PRKAB1: variants seen among roughly 807,000 people sequenced by gnomAD.
The protein encoded by PRKAB1 is 5'-AMP-activated protein kinase subunit beta-1.
Under a neutral mutation model 32.0 loss-of-function variants are expected in PRKAB1, and 18 were observed. The ratio of observed to expected loss-of-function variants is 0.56; its 90% confidence interval spans 0.39 to 0.83. The LOEUF (loss-of-function observed/expected upper bound fraction) is 0.83, where lower values mean the gene tolerates loss of function less well. Ranked by LOEUF, PRKAB1 falls within the 40% of genes least tolerant of loss-of-function variation. PRKAB1 has a pLI of 0.00. For missense variants in PRKAB1, 263 were observed against 352.6 expected, an observed-to-expected ratio of 0.75 and a Z score of 2.03; for synonymous variants, 141 against 141.4, an observed-to-expected ratio of 1.00 and a Z score of 0.02.
In PRKAB1 at chr12:119,681,095, T is replaced by G. The variant is rs1955461203; in HGVS notation, c.*770T>G. The G allele has an allele frequency of 6.6e-6, 1 of 152,524 alleles. No homozygotes were observed. The highest frequency in any genetic ancestry group is 2.4e-5 in the African/African-American group (1 of 41,450). The allele number at this position is 152,524 out of a possible 1,614,324, so 9.4% of individuals were successfully genotyped here. On this transcript the variant is annotated 3_prime_UTR_variant, in exon 7 of 7. Coordinates refer to ENST00000229328, the MANE Select transcript of PRKAB1 (RefSeq NM_006253.5). ...CGGATTTCTCCATTCAGCTGGATGATCCTCAGGACTGACCAGTTAGCTGGC... is the reference window on the plus strand; with the variant it reads ...CGGATTTCTCCATTCAGCTGGATGAGCCTCAGGACTGACCAGTTAGCTGGC...
chr12:119,675,442 T>C (rs1955417004), intron 4 of PRKAB1, among the ~76,000 whole-genome samples: 1 of 152,208 alleles, frequency 6.6e-6, no homozygotes, highest in Non-Finnish European at 1.5e-5. Flanking sequence ...AGAGATATCA[T>C]CTAGTTTTTT....
intron 1 of PRKAB1, among the ~76,000 whole-genome samples, chr12:119,671,895 G>A (rs1417161153): frequency 1.3e-5 from 2 of 152,144 alleles, no homozygotes; most frequent in African/African-American, 2.4e-5. Context: ...TACACAGTCC[G>A]TCGTTGACTA....
intron 1 of PRKAB1, 116 bp from the exon 2 acceptor site, chr12:119,672,185 T>C: frequency 8.9e-7 from 1 of 1,128,418 alleles, no homozygotes; most frequent in Non-Finnish European, 1.2e-6. Context: ...CTAGTAAGTT[T>C]CCGATCCTAA....
chr12:119,674,245 G>C lies in PRKAB1; in HGVS notation c.418-95G>C. On this transcript the variant is annotated intron_variant, in intron 3 of 6. Coordinates refer to ENST00000229328, the MANE Select transcript of PRKAB1 (RefSeq NM_006253.5). The surrounding 1 kb of genome is among the most constrained non-coding windows in gnomAD (Gnocchi z 4.3). Reference sequence around the variant, plus strand: ...CAAGATGAGCAGGGTGGCTAGCCAGGAGATGAGGCCTTCCAGCCAGGAATT... The same window carrying C: ...CAAGATGAGCAGGGTGGCTAGCCAGCAGATGAGGCCTTCCAGCCAGGAATT... 8.9e-7 allele frequency: 1 copy of C among 1,117,818 alleles called. No homozygotes were observed. Among genetic ancestry groups the C allele is most frequent in the Non-Finnish European group, 1.3e-6 (1 of 756,504 alleles). 69.2% of individuals were successfully genotyped at this position (1,117,818 alleles called of 1,614,324 possible).
rs778255982 is a variant in PRKAB1 at position 119,668,274 on chromosome 12, G to T, written c.30G>T (p.Ala10=). ...GCAATACCAGCAGTGAGCGCGCCGC[G>T]CTGGAGCGGCATGGTGGCCATAAGA... is the stretch of plus-strand genomic sequence containing the variant. The part of the protein sequence containing the change: MGNTSSERA[A]LERHGGHKTP... Residue 10 remains alanine (A), a synonymous_variant, in exon 1 of 7, where the codon GCG becomes GCT. Coordinates refer to ENST00000229328, the MANE Select transcript of PRKAB1 (RefSeq NM_006253.5). The T allele has an allele frequency of 1.2e-6, 2 of 1,608,570 alleles. No individual in the cohort carries two copies. Among genetic ancestry groups the T allele is most frequent in the Non-Finnish European group, 1.7e-6 (2 of 1,178,064 alleles).
At chr12:119,670,894 C>G (rs970139876) in intron 1 of PRKAB1, among the ~76,000 whole-genome samples, 2 of 152,140 alleles carry the variant, frequency 1.3e-5, no homozygotes, top group Non-Finnish European at 2.9e-5. Context: ...AAGCTGAGGT[C>G]GGTATTTGAG....
intron 2 of PRKAB1, 137 bp downstream of exon 2, chr12:119,672,601 C>CT: frequency 1.0e-6 from 1 of 954,134 alleles, no homozygotes; most frequent in Non-Finnish European, 1.5e-6. Flanking sequence ...CTTAATAAGT[C>CT]TTAAGGTTCA....
rs2136852555 is a variant in PRKAB1 at position 119,672,347 on chromosome 12, T to C, written c.206T>C (p.Val69Ala). The C allele has an allele frequency of 6.2e-7, 1 of 1,612,896 alleles. No individual in the cohort carries two copies. ...CTGGCCTGGCAGCATGATCTGGAAG[T>C]GAATGATAAAGCTCCCGCCCAGGCT... The part of the protein sequence containing the change: ...EFLAWQHDLE[V>A]NDKAPAQARP... Residue 69 changes from valine (V) to alanine (A), a missense_variant, in exon 2 of 7, where the codon GTG becomes GCG. Transcript: ENST00000229328.
At position 119,676,627 on chromosome 12, in the gene PRKAB1, CA is replaced by C; in HGVS notation, c.624del (p.His209IlefsTer7). 2 of 1,614,070 alleles carry C rather than the reference CA, an allele frequency of 1.2e-6. No individual in the cohort carries two copies. Among genetic ancestry groups the C allele is most frequent in the Non-Finnish European group, 1.7e-6 (2 of 1,179,974 alleles). ...ERFRAPPILP[P>X]HLLQVILNKD... ...TTTCGGGCACCCCCTATTCTCCCCC[CA>C]CATCTCCTCCAGGTCATCCTGAACA... is the stretch of plus-strand genomic sequence containing the variant. On this transcript the variant is annotated frameshift_variant, in exon 5 of 7. Coordinates refer to ENST00000229328, the MANE Select transcript of PRKAB1 (RefSeq NM_006253.5). LOFTEE classifies it high-confidence loss of function.
upstream of PRKAB1, chr12:119,668,003 A>G (rs1431017325): frequency 5.9e-6 from 3 of 505,994 alleles, no homozygotes; most frequent in Non-Finnish European, 1.0e-5. Flanking sequence ...GTGTCGGTTT[A>G]TCTTCGCGCC....
At chr12:119,671,602 C>A in intron 1 of PRKAB1, 1 of 293,258 alleles carries the variant, frequency 3.4e-6, no homozygotes, top group Non-Finnish European at 7.2e-6. Context: ...GGAAACCGCC[C>A]CCATGATCGA....
chr12:119,672,855 G>A (rs1314244336), intron 2 of PRKAB1, among the ~76,000 whole-genome samples: 1 of 152,176 alleles, frequency 6.6e-6, no homozygotes, highest in Non-Finnish European at 1.5e-5. Context: ...CTCAGCGTTC[G>A]TTTCTGTAAA....
At chr12:119,668,102 C>T (rs1955352394), upstream of PRKAB1, 10 of 1,083,390 alleles carry the variant, frequency 9.2e-6, no homozygotes, top group South Asian at 2.1e-4. Context: ...AACCGGCTCC[C>T]GGCCCGAGGG....
Position 119,679,686 on chromosome 12 carries a change from G to C in PRKAB1, c.667-247G>C. On this transcript the variant is annotated intron_variant, in intron 5 of 6. Coordinates refer to ENST00000229328, the MANE Select transcript of PRKAB1 (RefSeq NM_006253.5). The surrounding 1 kb of genome is among the most constrained non-coding windows in gnomAD (Gnocchi z 4.1). ...CGTGGCCCACACTTGAAAGAGGCCG[G>C]GGTAAATGCCTGGCCAGAGACACAC... The C allele has an allele frequency of 2.0e-6, 1 of 509,864 alleles. No individual in the cohort carries two copies. The highest frequency in any genetic ancestry group is 3.6e-6 in the Non-Finnish European group (1 of 279,364). 31.6% of individuals were successfully genotyped at this position (509,864 alleles called of 1,614,324 possible).
chr12:119,677,761 GTTT>G lies in PRKAB1; in HGVS notation c.666+1110_666+1112del, dbSNP rs58948706. 842 of 99,534 alleles carry G rather than the reference GTTT, an allele frequency of 8.5e-3. 8 individuals carry two copies. The highest frequency in any genetic ancestry group is 0.031 in the African/African-American group (759 of 24,666). 6.2% of individuals were successfully genotyped at this position (99,534 alleles called of 1,614,324 possible). A position where few individuals can be genotyped will look rare whatever the true frequency, so the allele number is the denominator to read the frequency against. On this transcript the variant is annotated intron_variant, in intron 5 of 6. Transcript: ENST00000229328. ...GTGCCCTCCTAAGCTAGTGAGGTTT[GTTT>G]TTTTTTTTTTTTTTTTTTGAGACGG...
rs1327816265 is a variant in PRKAB1, at chr12:119,670,804, CCTTAGTGTGAAGT to C, written c.160-1496_160-1484del. Among the ~76,000 whole-genome samples, 3 of 152,282 alleles carry C rather than the reference CCTTAGTGTGAAGT, an allele frequency of 2.0e-5. No individual in the cohort carries two copies. The East Asian group carries it at 5.8e-4, about 29-fold the overall frequency. ...TGCTATTTTGGTCATAATTAGTTAT[CCTTAGTGTGAAGT>C]GATTCCAGTCTGTTATTTAATATGT... is the stretch of plus-strand genomic sequence containing the variant. On this transcript the variant is annotated intron_variant, in intron 1 of 6. Transcript: ENST00000229328.
At chr12:119,676,837 T>C (rs969241651) in intron 5 of PRKAB1, among the ~76,000 whole-genome samples, 167 bp downstream of exon 5, 3 of 152,162 alleles carry the variant, frequency 2.0e-5, no homozygotes, top group Non-Finnish European at 4.4e-5. Flanking sequence ...TAACAAGAGG[T>C]TCCCAGTGTG....
chr12:119,671,008 G>T (rs1955384194), intron 1 of PRKAB1, among the ~76,000 whole-genome samples: 1 of 152,126 alleles, frequency 6.6e-6, no homozygotes, highest in Non-Finnish European at 1.5e-5. Context: ...AAATCTAAAA[G>T]GTGCATGACT....
chr12:119,672,530 T>C lies in PRKAB1; in HGVS notation c.323+66T>C. On this transcript the variant is annotated intron_variant, in intron 2 of 6. Transcript: ENST00000229328. ...AATTCTCTTCTTTCTAAAACATCTC[T>C]GAGAGAGAACAGAAAATGGATGTTT... The C allele has an allele frequency of 2.9e-6, 4 of 1,399,478 alleles. No homozygotes were observed. In the South Asian group the frequency reaches 6.5e-5, roughly 23 times the overall value. 86.7% of individuals were successfully genotyped at this position (1,399,478 alleles called of 1,614,324 possible).
Sources: allele counts gnomAD v4.1 joint callset (sites outside exome capture counted in the v4.1 genomes callset), GRCh38; gene constraint gnomAD v4.1.1; non-coding constraint Gnocchi (gnomAD v3.1); transcripts MANE v1.5; gene names NCBI Gene and HGNC (gene_info 2026-07-23, HGNC 2026-07-21).